Variants in VSTM2L observed in about 807,000 individuals in gnomAD.
The protein encoded by VSTM2L is V-set and transmembrane domain containing 2 like.
VSTM2L carries 9 observed loss-of-function variants against 19.9 expected under a neutral mutation model. The ratio of observed to expected loss-of-function variants is 0.45; its 90% CI spans 0.27 to 0.79. The LOEUF (loss-of-function observed/expected upper bound fraction) is 0.79, where lower values mean the gene tolerates loss of function less well. Ranked by LOEUF, VSTM2L falls within the 30% of genes least tolerant of loss-of-function variation. VSTM2L has a pLI of 0.15. For missense variants in VSTM2L, 286 were observed against 295.5 expected, an observed-to-expected ratio of 0.97 and a Z score of 0.24; for synonymous variants, 127 against 133.8, an observed-to-expected ratio of 0.95 and a Z score of 0.35.
chr20:37,932,779 G>C (rs1007024773), intron 2 of VSTM2L, among the ~76,000 whole-genome samples: 3 of 152,114 alleles, frequency 2.0e-5, no homozygotes, highest in African/African-American at 4.8e-5. Flanking sequence ...TGAATCATTT[G>C]CATCCTTACA....
chr20:37,915,057 G>T (rs1372220791), intron 1 of VSTM2L, among the ~76,000 whole-genome samples: 2 of 152,238 alleles, frequency 1.3e-5, no homozygotes, highest in Non-Finnish European at 2.9e-5. Flanking sequence ...CCTGTCGTCG[G>T]TCCGGGAAAG....
At chr20:37,911,892 A>ATGTG (rs146769537) in intron 1 of VSTM2L, among the ~76,000 whole-genome samples, 46 of 151,094 alleles carry the variant, frequency 3.0e-4, no homozygotes, top group East Asian at 1.8e-3. Context: ...ATGTGCGTGT[A>ATGTG]TGTGTGTGTG....
intron 3 of VSTM2L, among the ~76,000 whole-genome samples, chr20:37,937,394 A>T (rs2072946825): frequency 6.6e-6 from 1 of 152,150 alleles, no homozygotes; most frequent in Non-Finnish European, 1.5e-5. Context: ...TCTGCTAAGG[A>T]TTCCACCATT....
chr20:37,937,557 C>T (rs1353493752), intron 3 of VSTM2L, among the ~76,000 whole-genome samples: 2 of 152,220 alleles, frequency 1.3e-5, no homozygotes, highest in African/African-American at 4.8e-5. Flanking sequence ...AGATAGTCCA[C>T]AACTTCCTAA....
intron 1 of VSTM2L, among the ~76,000 whole-genome samples, chr20:37,929,627 G>A (rs6013467): frequency 0.031 from 4,662 of 152,256 alleles, 222 homozygotes; most frequent in African/African-American, 0.11. Context: ...AAAATAGCTT[G>A]TTGGGGAGGA....
chr20:37,903,329 G>A lies in VSTM2L; in HGVS notation c.-22G>A. 1 of 1,422,104 alleles carries A rather than the reference G, an allele frequency of 7.0e-7. No individual in the cohort carries two copies. The highest frequency in any genetic ancestry group is 9.1e-7 in the Non-Finnish European group (1 of 1,095,948). 88.1% of individuals were successfully genotyped at this position (1,422,104 alleles called of 1,614,324 possible). A position where few individuals can be genotyped will look rare whatever the true frequency, so the allele number is the denominator to read the frequency against. Reference sequence around the variant, plus strand: ...CGGGGCCCAGATGTGAGGCGGCGGCGCCCCCGGCCCGAGAGCGCACGATGG... The same window carrying A: ...CGGGGCCCAGATGTGAGGCGGCGGCACCCCCGGCCCGAGAGCGCACGATGG... On this transcript the variant is annotated 5_prime_UTR_variant, in exon 1 of 4. Transcript: ENST00000373461.
chr20:37,938,793 C>G (rs1461858610), intron 3 of VSTM2L, among the ~76,000 whole-genome samples: 1 of 152,224 alleles, frequency 6.6e-6, no homozygotes, highest in African/African-American at 2.4e-5. Flanking sequence ...CCCTGGAGGG[C>G]TGGGCTGAAG....
chr20:37,942,029 T>G (rs2072975177), intron 3 of VSTM2L, among the ~76,000 whole-genome samples: 1 of 152,186 alleles, frequency 6.6e-6, no homozygotes, highest in African/African-American at 2.4e-5. Context: ...ATCTGCTTTT[T>G]CTTTTTTAAT....
chr20:37,928,097 C>T lies in VSTM2L; in HGVS notation c.122-3538C>T, dbSNP rs149240732. On this transcript the variant is annotated intron_variant, in intron 1 of 3. Coordinates refer to ENST00000373461, the MANE Select transcript of VSTM2L (RefSeq NM_080607.3). Reference sequence around the variant, plus strand: ...GAGAGGCCACAGCCGTGTCCCTCCACTGTCTTTTGACCAGCCAGGGTCACA... The same window carrying T: ...GAGAGGCCACAGCCGTGTCCCTCCATTGTCTTTTGACCAGCCAGGGTCACA... Among the ~76,000 whole-genome samples the T allele has an allele frequency of 3.4e-3, 512 of 152,320 alleles. 4 individuals are homozygous for T. The highest frequency in any genetic ancestry group is 0.012 in the African/African-American group (488 of 41,556).
At chr20:37,928,601 A>G (rs2072891618) in intron 1 of VSTM2L, among the ~76,000 whole-genome samples, 1 of 152,196 alleles carries the variant, frequency 6.6e-6, no homozygotes, top group African/African-American at 2.4e-5. Flanking sequence ...AAAAAATTTG[A>G]AAAACTAGTT....
rs544668035 is a variant in VSTM2L, at chr20:37,935,814, A to G, written c.342+2225A>G. The stretch of plus-strand genomic sequence containing the variant: ...GCATGGTGTAGTAGGTACCCAATAA[A>G]TATTTGTTGAATAATTATCACACAC... On this transcript the variant is annotated intron_variant, in intron 3 of 3. Transcript: ENST00000373461. Among the ~76,000 whole-genome samples the G allele has an allele frequency of 2.0e-5, 3 of 152,052 alleles. No homozygotes were observed. In the South Asian group the frequency reaches 6.2e-4, roughly 32 times the overall value.
chr20:37,931,741 C>A lies in VSTM2L; in HGVS notation c.228C>A (p.Ile76=). 1.2e-6 allele frequency: 2 copies of A among 1,613,932 alleles called. No individual in the cohort carries two copies. Among genetic ancestry groups the A allele is most frequent in the East Asian group, 4.5e-5 (2 of 44,886 alleles). The change falls in exon 2 of 4, where the codon ATC becomes ATA. Residue 76 remains isoleucine, a synonymous_variant. Coordinates refer to ENST00000373461, the MANE Select transcript of VSTM2L (RefSeq NM_080607.3). ...GCTCCCCCTCCTACTCGCTGGAGAT[C>A]CAGTGGTGGTATGTACGGAGCCACC... The part of the protein sequence containing the change: ...GSGSPSYSLE[I]QWWYVRSHRD...
Position 37,933,528 on chromosome 20 carries a change from G to A in VSTM2L, c.292-11G>A, listed in dbSNP as rs762203580. The stretch of plus-strand genomic sequence containing the variant: ...GTCTCTGCTCTCTCCGCCCCTCCCC[G>A]ATCCCAACAGCTAAAAGCATCTCAG... On this transcript the variant is annotated splice_polypyrimidine_tract_variant and intron_variant, in intron 2 of 3. Coordinates refer to ENST00000373461, the MANE Select transcript of VSTM2L (RefSeq NM_080607.3). 17 of 1,284,488 alleles carry A rather than the reference G, an allele frequency of 1.3e-5. No homozygotes were observed. Among genetic ancestry groups the A allele is most frequent in the Middle Eastern group, 4.6e-4 (2 of 4,394 alleles). The allele number at this position is 1,284,488 out of a possible 1,614,324, so 79.6% of individuals were successfully genotyped here. A position where few individuals can be genotyped will look rare whatever the true frequency, so the allele number is the denominator to read the frequency against.
intron 3 of VSTM2L, among the ~76,000 whole-genome samples, chr20:37,942,374 G>A (rs1419211155): frequency 6.6e-6 from 1 of 152,136 alleles, no homozygotes; most frequent in Non-Finnish European, 1.5e-5. Context: ...CCCAGCTACT[G>A]GGGAGGCTGA....
Position 37,944,385 on chromosome 20 carries a change from G to C in VSTM2L, c.*132G>C. ...CGAGGCCGCCTGTGGCCACCATGTC[G>C]GCCCTCTTTCCACCACCCCTTGCTC... On this transcript the variant is annotated 3_prime_UTR_variant, in exon 4 of 4. Transcript: ENST00000373461. 7.8e-7 allele frequency: 1 copy of C among 1,284,922 alleles called. No individual in the cohort carries two copies. Among genetic ancestry groups the C allele is most frequent in the South Asian group, 2.0e-5 (1 of 50,626 alleles). 79.6% of individuals were successfully genotyped at this position (1,284,922 alleles called of 1,614,324 possible). A position where few individuals can be genotyped will look rare whatever the true frequency, so the allele number is the denominator to read the frequency against.
chr20:37,943,787 G>T (rs975120313), intron 3 of VSTM2L, among the ~76,000 whole-genome samples, 194 bp from the exon 4 acceptor site: 18 of 152,108 alleles, frequency 1.2e-4, no homozygotes, highest in Non-Finnish European at 2.1e-4. Flanking sequence ...TAGTTATGTG[G>T]TCTGTTGGTG....
Position 37,931,589 on chromosome 20 carries a change from C to G in VSTM2L, c.122-46C>G, listed in dbSNP as rs569079747. The G allele has an allele frequency of 2.3e-5, 37 of 1,580,772 alleles. 1 individual carries two copies. In the East Asian group the frequency reaches 2.7e-4, roughly 12 times the overall value. On this transcript the variant is annotated intron_variant, in intron 1 of 3. Coordinates refer to ENST00000373461, the MANE Select transcript of VSTM2L (RefSeq NM_080607.3). Reference sequence around the variant, plus strand: ...CTCCACCTCCTTCACCCACTAGCCCCGTGGTTTCCTGAGCCCCGCCATTCT... The same window carrying G: ...CTCCACCTCCTTCACCCACTAGCCCGGTGGTTTCCTGAGCCCCGCCATTCT...
intron 1 of VSTM2L, among the ~76,000 whole-genome samples, chr20:37,930,912 G>A (rs2072904962): frequency 6.6e-6 from 1 of 152,228 alleles, no homozygotes; most frequent in East Asian, 1.9e-4. Context: ...CAACAGGGCA[G>A]GGCAGGAGGT....
chr20:37,905,389 C>T (rs549116795), intron 1 of VSTM2L, among the ~76,000 whole-genome samples: 1 of 152,102 alleles, frequency 6.6e-6, no homozygotes, highest in Non-Finnish European at 1.5e-5. Flanking sequence ...GGCTCCCCCC[C>T]ATAGAAAAGC....
Sources: gnomAD v4.1 joint callset for allele counts (sites outside exome capture counted in the v4.1 genomes callset) on GRCh38, gnomAD v4.1.1 for gene constraint, MANE v1.5 for transcripts, NCBI Gene and HGNC (gene_info 2026-07-23, HGNC 2026-07-21) for gene names.